Variants in SLIT2 observed in about 807,000 individuals in gnomAD.
The protein encoded by SLIT2 is slit homolog 2 protein.
In SLIT2, 41 loss-of-function variants were observed where a neutral mutation model predicts 185.7. That is an observed-to-expected ratio of 0.22 (90% CI 0.17 to 0.29). The LOEUF (loss-of-function observed/expected upper bound fraction) is 0.29. Among genes scored for constraint, SLIT2 ranks in the 10% least tolerant of loss-of-function variants. SLIT2 has a pLI of 1.00. For missense variants in SLIT2, 1,571 were observed against 1,909.0 expected (o/e 0.82, Z 3.30); for synonymous variants, 693 against 680.2 (o/e 1.02, Z -0.29).
chr4:20,364,593 A>G lies in SLIT2; in HGVS notation c.395+95712A>G, dbSNP rs531723099. Reference sequence around the variant, plus strand: ...GTGTAATTATACTTAATTTTTTTTCATGTAAGTCATTTTCCTGCTCTGAAG... The same window carrying G: ...GTGTAATTATACTTAATTTTTTTTCGTGTAAGTCATTTTCCTGCTCTGAAG... On this transcript the variant is annotated intron_variant, in intron 4 of 36. Coordinates refer to ENST00000504154, the MANE Select transcript of SLIT2 (RefSeq NM_004787.4). Among the ~76,000 whole-genome samples, 80 of 152,068 alleles carry G rather than the reference A, an allele frequency of 5.3e-4. No homozygotes were observed. In the South Asian group the frequency reaches 0.014, roughly 28 times the overall value.
intron 29 of SLIT2, among the ~76,000 whole-genome samples, chr4:20,582,493 C>T (rs1726669287): frequency 6.6e-6 from 1 of 152,184 alleles, no homozygotes; most frequent in African/African-American, 2.4e-5. Flanking sequence ...CAGTTGCTAT[C>T]AATCAGAACA....
chr4:20,428,422 T>C (rs1728717965), intron 4 of SLIT2, among the ~76,000 whole-genome samples: 1 of 152,154 alleles, frequency 6.6e-6, no homozygotes, highest in Non-Finnish European at 1.5e-5. Flanking sequence ...CTTACTTGCT[T>C]TTCTTTTCCT....
intron 30 of SLIT2, among the ~76,000 whole-genome samples, chr4:20,592,108 C>T (rs115164878): frequency 9.2e-5 from 14 of 152,140 alleles, no homozygotes; most frequent in African/African-American, 2.4e-4. Flanking sequence ...AGAAAATAGA[C>T]GTAAAAATCA....
intron 4 of SLIT2, among the ~76,000 whole-genome samples, chr4:20,274,394 A>G (rs1487944800): frequency 1.3e-5 from 2 of 152,212 alleles, no homozygotes; most frequent in African/African-American, 4.8e-5. Context: ...ATATATGGAC[A>G]TCTGAACACA....
intron 6 of SLIT2, among the ~76,000 whole-genome samples, chr4:20,482,378 G>A (rs1024827745): frequency 1.6e-4 from 24 of 151,834 alleles, no homozygotes; most frequent in Admixed American, 3.3e-4. Context: ...TAAATGTATC[G>A]AATACCTACT....
rs1722084789 is a variant in SLIT2, at chr4:20,252,039, G to C, written c.-1777G>C. 3.3e-5 allele frequency among the ~76,000 whole-genome samples: 5 copies of C among 152,258 alleles called. 1 individual carries two copies. In the South Asian group the frequency reaches 1.0e-3, roughly 32 times the overall value. ...CGGCGGAGGCGGAGGCAGCTGCGAG[G>C]CATGGGAGCGCCGAAGCGCCCAGGC... is the stretch of plus-strand genomic sequence containing the variant. On this transcript the variant is annotated 5_prime_UTR_variant, in exon 1 of 37. Transcript: ENST00000504154.
Position 20,261,930 on chromosome 4 carries a change from A to G in SLIT2, c.323+3991A>G, listed in dbSNP as rs75461126. 7.3e-3 allele frequency among the ~76,000 whole-genome samples: 1,102 copies of G among 151,876 alleles called. 11 individuals carry two copies. The highest frequency in any genetic ancestry group is 0.025 in the African/African-American group (1,027 of 41,500). ...GTGCTTTTAAGACAAATATTGCTTT[A>G]ACTTCTCCTAGTGTTAGTATAATTG... On this transcript the variant is annotated intron_variant, in intron 3 of 36. Coordinates refer to ENST00000504154, the MANE Select transcript of SLIT2 (RefSeq NM_004787.4).
Position 20,346,850 on chromosome 4 carries a change from C to T in SLIT2, c.395+77969C>T, listed in dbSNP as rs552300432. On this transcript the variant is annotated intron_variant, in intron 4 of 36. Coordinates refer to ENST00000504154, the MANE Select transcript of SLIT2 (RefSeq NM_004787.4). ...TCCAGAACGGGAGAAAGATGAAGACCGGAAGGATCAGCAAGTCTGGTCCTT... is the reference window on the plus strand; with the variant it reads ...TCCAGAACGGGAGAAAGATGAAGACTGGAAGGATCAGCAAGTCTGGTCCTT... Among the ~76,000 whole-genome samples the T allele has an allele frequency of 5.9e-5, 9 of 152,244 alleles. No homozygotes were observed. In the South Asian group the frequency reaches 1.2e-3, roughly 21 times the overall value.
In SLIT2 at chr4:20,253,986, C is replaced by G. The variant is rs774811823; in HGVS notation, c.171C>G (p.Thr57=). 1.1e-5 allele frequency: 18 copies of G among 1,602,596 alleles called. No homozygotes were observed. In the African/African-American group the frequency reaches 2.4e-4, roughly 21 times the overall value. ...TGCCCAGGAATATCCCCCGCAACAC[C>G]GAGAGACTGTGAGTATGCGCTCTTC... is the stretch of plus-strand genomic sequence containing the variant. ...RSVPRNIPRN[T]ERLDLNGNNI... is the part of the protein sequence containing the mutation. Residue 57 remains threonine, a synonymous_variant, in exon 1 of 37, where the codon ACC becomes ACG. Coordinates refer to ENST00000504154, the MANE Select transcript of SLIT2 (RefSeq NM_004787.4).
chr4:20,532,081 T>TTTC, intron 17 of SLIT2, 23 bp downstream of exon 17: 1 of 1,400,834 alleles, frequency 7.1e-7, no homozygotes, highest in African/African-American at 1.5e-5. Flanking sequence ...TTAGCTATTT[T>TTTC]TTTTATTTCT....
intron 7 of SLIT2, 111 bp downstream of exon 7, chr4:20,486,382 A>T (rs1717239110): frequency 3.1e-6 from 2 of 651,094 alleles, no homozygotes; most frequent in Middle Eastern, 2.5e-4. Context: ...GTAGACAAGG[A>T]AAACCCAACT....
intron 2 of SLIT2, among the ~76,000 whole-genome samples, chr4:20,257,502 G>A (rs1014381149): frequency 6.6e-6 from 1 of 151,990 alleles, no homozygotes; most frequent in Non-Finnish European, 1.5e-5. Context: ...ATTGAAGTAT[G>A]TATATGATGA....
At chr4:20,273,958 T>A (rs1393656531) in intron 4 of SLIT2, among the ~76,000 whole-genome samples, 1 of 152,198 alleles carries the variant, frequency 6.6e-6, no homozygotes, top group Non-Finnish European at 1.5e-5. Flanking sequence ...TTACAGTTGC[T>A]ACGGTTACTG....
chr4:20,606,509 G>T (rs1024116138), intron 33 of SLIT2, among the ~76,000 whole-genome samples: 1 of 151,540 alleles, frequency 6.6e-6, no homozygotes, highest in African/African-American at 2.4e-5. Context: ...CTAAAATCAT[G>T]AACTTTACTG....
chr4:20,323,601 A>G (rs1719289301), intron 4 of SLIT2, among the ~76,000 whole-genome samples: 1 of 152,214 alleles, frequency 6.6e-6, no homozygotes, highest in African/African-American at 2.4e-5. Flanking sequence ...TAACATATAC[A>G]ATACCGGCCT....
intron 4 of SLIT2, among the ~76,000 whole-genome samples, chr4:20,327,221 A>G (rs576963119): frequency 1.8e-4 from 27 of 152,086 alleles, no homozygotes; most frequent in South Asian, 8.3e-4. Context: ...TTGCCAGAAT[A>G]TTTTGTTGTA....
At chr4:20,361,104 A>T (rs1044992251) in intron 4 of SLIT2, among the ~76,000 whole-genome samples, 3 of 151,908 alleles carry the variant, frequency 2.0e-5, no homozygotes, top group African/African-American at 7.2e-5. Flanking sequence ...AGAATTTTTT[A>T]AAAACCTTAG....
At chr4:20,605,279 A>G (rs1728703435) in intron 33 of SLIT2, among the ~76,000 whole-genome samples, 1 of 152,238 alleles carries the variant, frequency 6.6e-6, no homozygotes, top group Non-Finnish European at 1.5e-5. Context: ...AGACATTTTA[A>G]AGCCCCTCTT....
intron 3 of SLIT2, among the ~76,000 whole-genome samples, chr4:20,266,843 G>T (rs1387712868): frequency 1.3e-5 from 2 of 151,982 alleles, no homozygotes; most frequent in East Asian, 1.9e-4. Context: ...AGAATCAGGG[G>T]AAGGTTCACA....
Sources: allele counts gnomAD v4.1 joint callset (sites outside exome capture counted in the v4.1 genomes callset), GRCh38; gene constraint gnomAD v4.1.1; transcripts MANE v1.5; gene names NCBI Gene and HGNC (gene_info 2026-07-23, HGNC 2026-07-21).